The following PPP1R9A variants were observed in gnomAD, a reference collection of about 807,000 sequenced individuals.
PPP1R9A encodes protein phosphatase 1 regulatory subunit 9A, also known as neurabin-1.
In PPP1R9A, 59 loss-of-function variants were observed where a neutral mutation model predicts 141.9. That is an observed-to-expected ratio of 0.42 (90% CI 0.34 to 0.52). The LOEUF (loss-of-function observed/expected upper bound fraction) is 0.52, where lower values mean the gene tolerates loss of function less well. PPP1R9A is among the 20% of genes least tolerant of loss of function. The pLI is 0.10. For missense variants in PPP1R9A, 1,444 were observed against 1,611.9 expected (o/e 0.90, Z 1.78); for synonymous variants, 500 against 569.7 (o/e 0.88, Z 1.74).
chr7:95,026,897 C>G (rs1016165597), intron 2 of PPP1R9A, among the ~76,000 whole-genome samples: 1 of 152,112 alleles, frequency 6.6e-6, no homozygotes, highest in East Asian at 1.9e-4. Context: ...GGGAAAACCA[C>G]GTACTCAAGC....
chr7:95,249,617 C>T (rs996498538), intron 9 of PPP1R9A, among the ~76,000 whole-genome samples: 5 of 152,224 alleles, frequency 3.3e-5, no homozygotes, highest in African/African-American at 1.2e-4. Context: ...CCTCTCTCCT[C>T]CCTGGCCCTC....
chr7:95,073,185 C>T (rs971142036), intron 2 of PPP1R9A, among the ~76,000 whole-genome samples: 2 of 151,140 alleles, frequency 1.3e-5, no homozygotes, highest in Admixed American at 1.3e-4. Context: ...AGGGTTTCAC[C>T]ATGTTGGCCA....
chr7:95,009,126 G>A (rs1804047353), intron 2 of PPP1R9A, among the ~76,000 whole-genome samples: 2 of 151,842 alleles, frequency 1.3e-5, no homozygotes, highest in Non-Finnish European at 2.9e-5. Flanking sequence ...ACAGGAAGGG[G>A]AACATCACAC....
Position 94,909,991 on chromosome 7 carries a change from C to A in PPP1R9A, c.-123C>A. On this transcript the variant is annotated 5_prime_UTR_variant, in exon 2 of 20. Coordinates refer to ENST00000433360, the MANE Select transcript of PPP1R9A (RefSeq NM_001166160.2). The stretch of plus-strand genomic sequence containing the variant: ...CACCTGTTGGGACGATCACTGACAC[C>A]GTATACCATTTGAGAGGTACTTTTC... 1 of 771,944 alleles carries A rather than the reference C, an allele frequency of 1.3e-6. No individual in the cohort carries two copies. Among genetic ancestry groups the A allele is most frequent in the Non-Finnish European group, 2.1e-6 (1 of 478,546 alleles). 47.8% of individuals were successfully genotyped at this position (771,944 alleles called of 1,614,324 possible). A position where few individuals can be genotyped will look rare whatever the true frequency, so the allele number is the denominator to read the frequency against.
At position 95,126,040 on chromosome 7, in the gene PPP1R9A, C is replaced by T. The variant is rs148967913; in HGVS notation, c.1649+5208C>T. Among the ~76,000 whole-genome samples, 1,155 of 152,264 alleles carry T rather than the reference C, an allele frequency of 7.6e-3. 27 individuals are homozygous for T. Among genetic ancestry groups the T allele is most frequent in the Admixed American group, 0.04 (614 of 15,280 alleles). ...GGTTTCCTCTCTGTGCACACACTCT[C>T]ATGTTAGTCTTCTAATAAAATATTT... On this transcript the variant is annotated intron_variant, in intron 4 of 19. Transcript: ENST00000433360.
At chr7:95,056,402 T>G (rs563023927) in intron 2 of PPP1R9A, among the ~76,000 whole-genome samples, 1 of 152,298 alleles carries the variant, frequency 6.6e-6, no homozygotes, top group Non-Finnish European at 1.5e-5. Flanking sequence ...CAAAGATAAT[T>G]TCAGTATAAC....
chr7:94,909,553 G>A (rs1176151958), intron 1 of PPP1R9A, among the ~76,000 whole-genome samples: 1 of 152,102 alleles, frequency 6.6e-6, no homozygotes, highest in East Asian at 1.9e-4. Context: ...ATGAACTGCT[G>A]GTTTCTTTTT....
chr7:94,964,612 T>C (rs567838424), intron 2 of PPP1R9A, among the ~76,000 whole-genome samples: 4 of 152,308 alleles, frequency 2.6e-5, no homozygotes, highest in African/African-American at 9.6e-5. Context: ...TGTCGTAGTT[T>C]GCTGTAAATG....
chr7:94,956,071 C>A (rs1222557145), intron 2 of PPP1R9A, among the ~76,000 whole-genome samples: 1 of 152,108 alleles, frequency 6.6e-6, no homozygotes, highest in Non-Finnish European at 1.5e-5. Context: ...CTGCTGGCCC[C>A]TAGCTTGGTT....
At chr7:95,061,299 T>C (rs2152075799) in intron 2 of PPP1R9A, among the ~76,000 whole-genome samples, 1 of 152,336 alleles carries the variant, frequency 6.6e-6, no homozygotes, top group East Asian at 1.9e-4. Flanking sequence ...AGCTAACATC[T>C]ATAAAAATGT....
At position 95,118,199 on chromosome 7, in the gene PPP1R9A, T is replaced by A. The variant is rs143560222; in HGVS notation, c.1529-2513T>A. On this transcript the variant is annotated intron_variant, in intron 3 of 19. Coordinates refer to ENST00000433360, the MANE Select transcript of PPP1R9A (RefSeq NM_001166160.2). ...CCTTCATGTACACAACAAATCTCTG[T>A]GTACGAAGATTTTAAAGTTTCTGTG... 4.6e-5 allele frequency among the ~76,000 whole-genome samples: 7 copies of A among 152,262 alleles called. No individual in the cohort carries two copies. The East Asian group carries it at 1.4e-3, about 29-fold the overall frequency.
intron 2 of PPP1R9A, among the ~76,000 whole-genome samples, chr7:94,926,015 A>G (rs1258708455): frequency 1.3e-5 from 2 of 151,886 alleles, no homozygotes; most frequent in East Asian, 1.9e-4. Flanking sequence ...TTTTGTAGAG[A>G]CAGAGTCTCA....
At chr7:94,965,973 G>A (rs1798167845) in intron 2 of PPP1R9A, among the ~76,000 whole-genome samples, 1 of 152,106 alleles carries the variant, frequency 6.6e-6, no homozygotes, top group African/African-American at 2.4e-5. Flanking sequence ...TTTTCCATTT[G>A]TTTGTGTCCT....
chr7:94,926,460 T>G (rs1274395185), intron 2 of PPP1R9A, among the ~76,000 whole-genome samples: 2 of 152,176 alleles, frequency 1.3e-5, no homozygotes, highest in African/African-American at 4.8e-5. Context: ...ATCTAAAAAT[T>G]GAGATTCCAT....
At chr7:95,054,313 C>T (rs986079117) in intron 2 of PPP1R9A, among the ~76,000 whole-genome samples, 5 of 150,370 alleles carry the variant, frequency 3.3e-5, no homozygotes, top group African/African-American at 7.3e-5. Flanking sequence ...TTAGTAGAGA[C>T]GGGGTTTCAC....
chr7:95,141,229 T>G (rs1394333846), intron 4 of PPP1R9A, among the ~76,000 whole-genome samples: 1 of 152,166 alleles, frequency 6.6e-6, no homozygotes, highest in Non-Finnish European at 1.5e-5. Flanking sequence ...GAAGACCCAG[T>G]GCTGAAGAAA....
intron 2 of PPP1R9A, among the ~76,000 whole-genome samples, chr7:95,087,010 C>G (rs1297476896): frequency 4.8e-5 from 7 of 145,606 alleles, no homozygotes; most frequent in Non-Finnish European, 1.0e-4. Flanking sequence ...TAGTGAGACA[C>G]TGTCTCAAAA....
intron 4 of PPP1R9A, among the ~76,000 whole-genome samples, chr7:95,158,460 G>C (rs1193449719): frequency 6.6e-6 from 1 of 152,136 alleles, no homozygotes; most frequent in East Asian, 1.9e-4. Context: ...TTTGAGAGCA[G>C]CCTAGGCAAC....
At chr7:95,017,974 C>G (rs1303469121) in intron 2 of PPP1R9A, among the ~76,000 whole-genome samples, 1 of 152,064 alleles carries the variant, frequency 6.6e-6, no homozygotes, top group Non-Finnish European at 1.5e-5. Context: ...GGAGAAGAGT[C>G]TGGATTTGTT....
Sources: gnomAD v4.1 joint callset for allele counts (sites outside exome capture counted in the v4.1 genomes callset) on GRCh38, gnomAD v4.1.1 for gene constraint, MANE v1.5 for transcripts, NCBI Gene and HGNC (gene_info 2026-07-23, HGNC 2026-07-21) for gene names.